The following SP140L variants were observed in gnomAD, a reference collection of about 807,000 sequenced individuals.
SP140L encodes nuclear body protein SP140-like protein.
Under a neutral mutation model 84.3 loss-of-function variants are expected in SP140L, and 64 were observed. The observed-to-expected ratio is 0.76, with a 90% CI of 0.62 to 0.94. The LOEUF (loss-of-function observed/expected upper bound fraction) is 0.94, where lower values mean the gene tolerates loss of function less well. Ranked by LOEUF, SP140L falls within the 40% of genes least tolerant of loss-of-function variation. The probability of loss-of-function intolerance (pLI) is 0.00; values close to 1 mark genes in which losing one functional copy is unlikely to be tolerated. For synonymous variants in SP140L, 242 were observed against 236.9 expected, an observed-to-expected ratio of 1.02 and a Z score of -0.20; for missense variants, 628 against 692.5, an observed-to-expected ratio of 0.91 and a Z score of 1.05.
At chr2:230,389,040 T>G (rs2061698799) in intron 10 of SP140L, among the ~76,000 whole-genome samples, 2 of 152,232 alleles carry the variant, frequency 1.3e-5, no homozygotes, top group Admixed American at 1.3e-4. Context: ...TTTTTGGCTT[T>G]TTAAAAAATC....
intron 7 of SP140L, among the ~76,000 whole-genome samples, chr2:230,375,484 A>T (rs942074517): frequency 3.3e-5 from 5 of 152,082 alleles, no homozygotes; most frequent in African/African-American, 1.2e-4. Context: ...CTTTTCTGTA[A>T]TGGCTGTACC....
Position 230,327,221 on chromosome 2 carries a change from G to A in SP140L, c.-49G>A. ...CTGCACGCAGGCTGGGCCGACTGGG[G>A]AGCTCATAGGCCAGGCTCTGACACC... is the stretch of plus-strand genomic sequence containing the variant. On this transcript the variant is annotated 5_prime_UTR_variant, in exon 1 of 19. Coordinates refer to ENST00000415673, the MANE Select transcript of SP140L (RefSeq NM_138402.6). The A allele has an allele frequency of 6.3e-7, 1 of 1,585,350 alleles. No individual in the cohort carries two copies.
chr2:230,366,952 C>T (rs190895799), intron 5 of SP140L, among the ~76,000 whole-genome samples: 1 of 151,866 alleles, frequency 6.6e-6, no homozygotes, highest in Admixed American at 6.5e-5. Context: ...AGGCTGGTCT[C>T]GAACTCCTGA....
At position 230,358,029 on chromosome 2, in the gene SP140L, A is replaced by G; in HGVS notation, c.270+62A>G. The G allele has an allele frequency of 2.5e-6, 4 of 1,576,778 alleles. No homozygotes were observed. The South Asian group carries it at 3.3e-5, about 13-fold the overall frequency. ...TTTCATATTTTACAAGTATTTCTGT[A>G]AGTGCTCCTGTAAAGTAGAAAAGGA... On this transcript the variant is annotated intron_variant, in intron 3 of 18. Coordinates refer to ENST00000415673, the MANE Select transcript of SP140L (RefSeq NM_138402.6).
intron 15 of SP140L, chr2:230,400,739 C>G: frequency 8.9e-7 from 1 of 1,127,342 alleles, no homozygotes; most frequent in East Asian, 2.6e-5. Flanking sequence ...GGTGACACCA[C>G]CTTCCTGAGG....
intron 2 of SP140L, among the ~76,000 whole-genome samples, chr2:230,353,450 A>G (rs2060427571): frequency 6.6e-6 from 1 of 152,112 alleles, no homozygotes; most frequent in Non-Finnish European, 1.5e-5. Context: ...GTATATGGAA[A>G]GAGTAAAAAA....
intron 2 of SP140L, among the ~76,000 whole-genome samples, chr2:230,332,732 A>C (rs2059760593): frequency 6.6e-6 from 1 of 152,210 alleles, no homozygotes; most frequent in Non-Finnish European, 1.5e-5. Flanking sequence ...GGCACCCTGC[A>C]GAATTCTAAA....
chr2:230,385,984 C>A (rs1192560126), intron 9 of SP140L, among the ~76,000 whole-genome samples: 2 of 152,120 alleles, frequency 1.3e-5, no homozygotes, highest in Non-Finnish European at 2.9e-5. Context: ...CAGGTGCAGC[C>A]GTGAAATGAC....
chr2:230,327,683 C>G (rs1289029049), intron 1 of SP140L, among the ~76,000 whole-genome samples: 1 of 152,202 alleles, frequency 6.6e-6, no homozygotes, highest in Non-Finnish European at 1.5e-5. Flanking sequence ...TCTCCCAACC[C>G]TTTCACATCC....
In SP140L at chr2:230,390,031, T is replaced by C. The variant is rs751652360; in HGVS notation, c.964+8T>C. On this transcript the variant is annotated splice_region_variant and intron_variant, in intron 11 of 18. Coordinates refer to ENST00000415673, the MANE Select transcript of SP140L (RefSeq NM_138402.6). ...AGGAGAAATTGGAACAAGGTGGGTTTCATAGTCTTCTTTAATTTGCAGCTC... is the reference window on the plus strand; with the variant it reads ...AGGAGAAATTGGAACAAGGTGGGTTCCATAGTCTTCTTTAATTTGCAGCTC... The C allele has an allele frequency of 1.2e-6, 2 of 1,607,726 alleles. No individual in the cohort carries two copies. Among genetic ancestry groups the C allele is most frequent in the Non-Finnish European group, 1.7e-6 (2 of 1,175,962 alleles).
chr2:230,385,217 T>TC lies in SP140L; in HGVS notation c.704-3dup. 6.2e-7 allele frequency: 1 copy of TC among 1,613,268 alleles called. No homozygotes were observed. Among genetic ancestry groups the TC allele is most frequent in the South Asian group, 1.1e-5 (1 of 91,036 alleles). ...CTATTAATACATTTTCCCTTGCCTA[T>TC]CCCCAGATAACAGCAAAGCCGATGG... On this transcript the variant is annotated splice_polypyrimidine_tract_variant and splice_region_variant and intron_variant, in intron 8 of 18. Transcript: ENST00000415673.
intron 7 of SP140L, among the ~76,000 whole-genome samples, chr2:230,382,014 G>A (rs2149790814): frequency 6.6e-6 from 1 of 152,336 alleles, no homozygotes; most frequent in East Asian, 1.9e-4. Context: ...CTGTCTGTAA[G>A]CCTTGGGGTT....
intron 2 of SP140L, among the ~76,000 whole-genome samples, chr2:230,329,357 G>A (rs1179635598): frequency 1.3e-5 from 2 of 152,030 alleles, no homozygotes; most frequent in African/African-American, 2.4e-5. Context: ...TCTTCCCCGT[G>A]GTCCTTTCAT....
chr2:230,378,476 C>A (rs917873365), intron 7 of SP140L, among the ~76,000 whole-genome samples: 16 of 152,144 alleles, frequency 1.1e-4, no homozygotes, highest in African/African-American at 3.6e-4. Flanking sequence ...CTCCGGAACT[C>A]CCCTCCTCCC....
intron 6 of SP140L, 45 bp downstream of exon 6, chr2:230,371,012 C>T (rs2061049712): frequency 2.6e-6 from 4 of 1,561,728 alleles, no homozygotes; most frequent in African/African-American, 1.4e-5. Flanking sequence ...TCAGTGGGCC[C>T]CACAGACCCT....
rs1460930234 is a variant in SP140L, at chr2:230,383,502, G to C, written c.638-8G>C. 2 of 1,597,630 alleles carry C rather than the reference G, an allele frequency of 1.3e-6. No homozygotes were observed. Among genetic ancestry groups the C allele is most frequent in the Admixed American group, 3.5e-5 (2 of 57,910 alleles). Reference sequence around the variant, plus strand: ...TGTATAATTAACTTTATTCTCTTTGGTTTGAAGGAAAAAAGAAGGGGCATG... The same window carrying C: ...TGTATAATTAACTTTATTCTCTTTGCTTTGAAGGAAAAAAGAAGGGGCATG... On this transcript the variant is annotated splice_region_variant and splice_polypyrimidine_tract_variant and intron_variant, in intron 7 of 18. Transcript: ENST00000415673.
At chr2:230,374,754 T>G (rs1321944282) in intron 7 of SP140L, among the ~76,000 whole-genome samples, 1 of 152,214 alleles carries the variant, frequency 6.6e-6, no homozygotes, top group Admixed American at 6.5e-5. Context: ...CTCAAATGAT[T>G]GTGAGCATTT....
intron 13 of SP140L, 27 bp from the exon 14 acceptor site, chr2:230,396,730 A>C (rs2062066181): frequency 6.2e-7 from 1 of 1,612,062 alleles, no homozygotes. Flanking sequence ...TCAATATCAT[A>C]AATCAATCTT....
intron 11 of SP140L, among the ~76,000 whole-genome samples, chr2:230,391,110 A>G (rs1323439820): frequency 6.6e-6 from 1 of 152,202 alleles, no homozygotes; most frequent in South Asian, 2.1e-4. Context: ...GATATACCAC[A>G]TTTTGTTTAT....
Sources: gnomAD v4.1 joint callset for allele counts (sites outside exome capture counted in the v4.1 genomes callset) on GRCh38, gnomAD v4.1.1 for gene constraint, MANE v1.5 for transcripts, NCBI Gene and HGNC (gene_info 2026-07-23, HGNC 2026-07-21) for gene names.